The following RCBTB2 variants were observed in gnomAD, a reference collection of about 807,000 sequenced individuals.
The protein encoded by RCBTB2 is RCC1 and BTB domain containing protein 2, also known as RCC1 and BTB domain-containing protein 2.
Under a neutral mutation model 65.4 loss-of-function variants are expected in RCBTB2, and 55 were observed. The ratio of observed to expected loss-of-function variants is 0.84; its 90% CI spans 0.68 to 1.05. RCBTB2 has a LOEUF of 1.05. Among genes scored for constraint, RCBTB2 ranks in the 50% least tolerant of loss-of-function variants. RCBTB2 has a pLI of 0.00. For missense variants in RCBTB2, 599 were observed against 680.1 expected (o/e 0.88, Z 1.33); for synonymous variants, 220 against 255.2 (o/e 0.86, Z 1.31).
chr13:48,505,737 T>C (rs1202145068), intron 10 of RCBTB2, among the ~76,000 whole-genome samples: 3 of 151,972 alleles, frequency 2.0e-5, no homozygotes, highest in African/African-American at 7.3e-5. Flanking sequence ...TAAATTCTTA[T>C]AATCAGCTTT....
rs140172279 is a variant in RCBTB2 at position 48,515,609 on chromosome 13, A to C, written c.175T>G (p.Leu59Val). Residue 59 changes from leucine to valine, a missense_variant, in exon 5 of 15, where the codon TTA becomes GTA. Coordinates refer to ENST00000344532, the MANE Select transcript of RCBTB2 (RefSeq NM_001268.4). Reference sequence around the variant, plus strand: ...ACCTCATCATTTACTGTAGTGTATAAAACTTCATTGCCAGCACTGCCAAAG... The same window carrying C: ...ACCTCATCATTTACTGTAGTGTATACAACTTCATTGCCAGCACTGCCAAAG... ...CVFGSAGNEV[L>V]YTTVNDEIFV... The C allele has an allele frequency of 5.3e-5, 86 of 1,610,964 alleles. No homozygotes were observed. Among genetic ancestry groups the C allele is most frequent in the Non-Finnish European group, 7.0e-5 (83 of 1,179,166 alleles).
At chr13:48,491,680 G>C (rs1949706900) in intron 14 of RCBTB2, 2 of 152,198 alleles carry the variant, frequency 1.3e-5, no homozygotes, top group Admixed American at 1.3e-4. Flanking sequence ...AGTGTGTCTG[G>C]AGTTAGGTGG....
Position 48,525,372 on chromosome 13 carries a change from TGATATATATATA to T in RCBTB2, c.-218-627_-218-616del, listed in dbSNP as rs1260306008. ...AATTCAAAAGTGAGCAAAGGATTCA[TGATATATATATA>T]TATATATATATATATATATATATAT... is the stretch of plus-strand genomic sequence containing the variant. On this transcript the variant is annotated intron_variant, in intron 1 of 14. Transcript: ENST00000344532. Among the ~76,000 whole-genome samples, 312 of 67,538 alleles carry T rather than the reference TGATATATATATA, an allele frequency of 4.6e-3. 4 individuals carry two copies. The highest frequency in any genetic ancestry group is 0.015 in the African/African-American group (297 of 19,318). The allele number at this position is 67,538 out of a possible 152,430, so 44.3% of individuals were successfully genotyped here.
rs1031216870 is a variant in RCBTB2, at chr13:48,533,010, A to G, written c.-219+18T>C. The G allele has an allele frequency of 2.2e-6, 1 of 452,894 alleles. No individual in the cohort carries two copies. The highest frequency in any genetic ancestry group is 4.4e-6 in the Non-Finnish European group (1 of 225,684). 28.1% of individuals were successfully genotyped at this position (452,894 alleles called of 1,614,324 possible). Reference sequence around the variant, plus strand: ...GCGATCCCCCTCGGCCTCCCACACCACTCCTCCACCCTCTTACCTCCTCGC... The same window carrying G: ...GCGATCCCCCTCGGCCTCCCACACCGCTCCTCCACCCTCTTACCTCCTCGC... On this transcript the variant is annotated intron_variant, in intron 1 of 14. Transcript: ENST00000344532.
chr13:48,494,141 C>T lies in RCBTB2; in HGVS notation c.1515+2050G>A, dbSNP rs571158937. ...ATAAACTGGATCTAATATAATAATG[C>T]CTATGTCATATAAGGTTGTTTTGAG... On this transcript the variant is annotated intron_variant, in intron 14 of 14. Transcript: ENST00000344532. Among the ~76,000 whole-genome samples the T allele has an allele frequency of 3.4e-4, 52 of 152,194 alleles. No individual in the cohort carries two copies. In the South Asian group the frequency reaches 0.011, roughly 32 times the overall value.
At chr13:48,493,469 G>C (rs949622449) in intron 14 of RCBTB2, among the ~76,000 whole-genome samples, 1 of 151,632 alleles carries the variant, frequency 6.6e-6, no homozygotes, top group African/African-American at 2.4e-5. Flanking sequence ...CCCTCTGATG[G>C]CCACTCACCT....
intron 14 of RCBTB2, chr13:48,492,376 G>C (rs1949732416): frequency 6.6e-6 from 1 of 152,178 alleles, no homozygotes; most frequent in Non-Finnish European, 1.5e-5. Flanking sequence ...CCCCTTCACT[G>C]AGTCATTTGC....
chr13:48,512,362 A>G (rs532746217), intron 7 of RCBTB2, among the ~76,000 whole-genome samples, 188 bp from the exon 8 acceptor site: 1 of 152,370 alleles, frequency 6.6e-6, no homozygotes, highest in East Asian at 1.9e-4. Flanking sequence ...TTATACAATT[A>G]GGTTATTGGT....
chr13:48,535,309 G>A (rs1952349986), upstream of RCBTB2, among the ~76,000 whole-genome samples: 1 of 146,858 alleles, frequency 6.8e-6, no homozygotes, highest in Admixed American at 6.8e-5. Context: ...AGGTTGGAGT[G>A]CAGTGGCGCA....
At chr13:48,508,985 G>A (rs1178962728) in intron 10 of RCBTB2, among the ~76,000 whole-genome samples, 2 of 152,178 alleles carry the variant, frequency 1.3e-5, no homozygotes, top group African/African-American at 4.8e-5. Context: ...GATTCTGTGA[G>A]ACCAGGGATG....
At chr13:48,525,852 T>C (rs1399559591) in intron 1 of RCBTB2, among the ~76,000 whole-genome samples, 2 of 152,090 alleles carry the variant, frequency 1.3e-5, no homozygotes, top group East Asian at 3.8e-4. Context: ...TTGATAACAT[T>C]TGATATTTGA....
At position 48,489,804 on chromosome 13, in the gene RCBTB2, T is replaced by G. The variant is rs1490299403; in HGVS notation, c.*307A>C. On this transcript the variant is annotated 3_prime_UTR_variant, in exon 15 of 15. Coordinates refer to ENST00000344532, the MANE Select transcript of RCBTB2 (RefSeq NM_001268.4). ...GAATAATGGAACATTTGGGCCAGAA[T>G]AGCATATACTGAGACCAGGGTACCA... is the stretch of plus-strand genomic sequence containing the variant. 2.8e-6 allele frequency: 1 copy of G among 357,414 alleles called. No homozygotes were observed. Among genetic ancestry groups the G allele is most frequent in the Non-Finnish European group, 5.2e-6 (1 of 192,734 alleles). The allele number at this position is 357,414 out of a possible 1,614,324, so 22.1% of individuals were successfully genotyped here.
At chr13:48,524,577 T>A (rs1387127801) in intron 2 of RCBTB2, 82 bp downstream of exon 2, 1 of 152,228 alleles carries the variant, frequency 6.6e-6, no homozygotes, top group Admixed American at 6.5e-5. Context: ...GGCTAGATAC[T>A]TTAAGTTTTT....
chr13:48,493,418 AGGAT>A (rs1479942680), intron 14 of RCBTB2, among the ~76,000 whole-genome samples: 1 of 150,712 alleles, frequency 6.6e-6, no homozygotes, highest in Non-Finnish European at 1.5e-5. Flanking sequence ...AGGAGGCAGG[AGGAT>A]TACTTCAAAT....
intron 1 of RCBTB2, among the ~76,000 whole-genome samples, chr13:48,528,713 T>A (rs1951942168): frequency 6.6e-6 from 1 of 152,138 alleles, no homozygotes; most frequent in East Asian, 1.9e-4. Flanking sequence ...TGATCCCAGT[T>A]TTCACTTGCA....
intron 2 of RCBTB2, 81 bp from the exon 3 acceptor site, chr13:48,522,484 T>A (rs1341223836): frequency 1.4e-6 from 1 of 701,550 alleles, no homozygotes; most frequent in Non-Finnish European, 2.4e-6. Flanking sequence ...CTGGACTTAA[T>A]GAAAAATCTG....
upstream of RCBTB2, chr13:48,535,736 T>G (rs759174777): frequency 8.8e-6 from 4 of 456,564 alleles, no homozygotes; most frequent in African/African-American, 2.0e-5. Flanking sequence ...TCTTGAAGCA[T>G]TCATCTTCTT....
chr13:48,509,832 CTGTT>C (rs1450776872), intron 10 of RCBTB2, among the ~76,000 whole-genome samples: 2 of 152,142 alleles, frequency 1.3e-5, no homozygotes, highest in African/African-American at 2.4e-5. Flanking sequence ...GTGAGCTAAT[CTGTT>C]TGTCTACATA....
At chr13:48,530,355 GATTAATAAT>G (rs1224424248) in intron 1 of RCBTB2, among the ~76,000 whole-genome samples, 6 of 152,206 alleles carry the variant, frequency 3.9e-5, no homozygotes, top group Non-Finnish European at 8.8e-5. Context: ...TATGGTCCTA[GATTAATAAT>G]ATTTTGGTGT....
Sources: gnomAD v4.1 joint callset for allele counts (sites outside exome capture counted in the v4.1 genomes callset) on GRCh38, gnomAD v4.1.1 for gene constraint, MANE v1.5 for transcripts, NCBI Gene and HGNC (gene_info 2026-07-23, HGNC 2026-07-21) for gene names.